LINGO2: variants seen among roughly 807,000 people sequenced by gnomAD.
LINGO2 encodes leucine rich repeat and Ig domain containing 2, also known as leucine-rich repeat and immunoglobulin-like domain-containing nogo receptor-interacting protein 2.
In LINGO2, 14 loss-of-function variants were observed where a neutral mutation model predicts 30.6. That is an observed-to-expected ratio of 0.46 (90% CI 0.30 to 0.72). The LOEUF is 0.72. Ranked by LOEUF, LINGO2 falls within the 30% of genes least tolerant of loss-of-function variation. The pLI is 0.07. For missense variants in LINGO2, 729 were observed against 751.7 expected (o/e 0.97, Z 0.35); for synonymous variants, 317 against 288.5 (o/e 1.10, Z -1.00).
the LINGO2 span, among the ~76,000 whole-genome samples, chr9:28,677,441 T>C: frequency 6.6e-6 from 1 of 152,158 alleles, no homozygotes; most frequent in South Asian, 2.1e-4. Flanking sequence ...TGGTAGAGCA[T>C]CTAAGACAAA....
intron 4 of LINGO2, among the ~76,000 whole-genome samples, chr9:28,105,722 C>T (rs1331371017): frequency 6.7e-6 from 1 of 148,628 alleles, no homozygotes; most frequent in Non-Finnish European, 1.5e-5. Flanking sequence ...CTGTCTCACT[C>T]TCTCTCTCTC....
chr9:28,924,068 T>C, the LINGO2 span, among the ~76,000 whole-genome samples: 2 of 152,220 alleles, frequency 1.3e-5, no homozygotes, highest in Admixed American at 1.3e-4. Context: ...CTCAAGCCTC[T>C]ACAAAGAAGT....
At chr9:28,484,386 T>G (rs1826089922) in intron 1 of LINGO2, among the ~76,000 whole-genome samples, 1 of 152,000 alleles carries the variant, frequency 6.6e-6, no homozygotes. Flanking sequence ...CCGTCCAAGT[T>G]TTGCCCTCTA....
chr9:29,042,330 T>C, the LINGO2 span, among the ~76,000 whole-genome samples: 2 of 152,022 alleles, frequency 1.3e-5, no homozygotes, highest in African/African-American at 4.8e-5. Context: ...AACCCCGAAA[T>C]TGCACTCTTG....
the LINGO2 span, among the ~76,000 whole-genome samples, chr9:29,108,431 A>G: frequency 1.3e-5 from 2 of 152,152 alleles, no homozygotes; most frequent in Non-Finnish European, 2.9e-5. Context: ...CTGAGCCTAA[A>G]GGAAATACAG....
In LINGO2 at chr9:28,221,378, TAATG is replaced by T. The variant is rs560118716; in HGVS notation, c.-87+73826_-87+73829del. ...CACCACAAAAATGATAATTGTGAGA[TAATG>T]AATGTTAATTAGCTAAATTTAATTA... is the stretch of plus-strand genomic sequence containing the variant. On this transcript the variant is annotated intron_variant, in intron 4 of 5. Coordinates refer to ENST00000379992, the Ensembl canonical transcript of LINGO2. Among the ~76,000 whole-genome samples the T allele has an allele frequency of 4.1e-3, 614 of 149,342 alleles. 3 individuals carry two copies. The highest frequency in any genetic ancestry group is 6.9e-3 in the Non-Finnish European group (469 of 67,674).
intron 5 of LINGO2, among the ~76,000 whole-genome samples, chr9:27,969,029 A>G (rs533482686): frequency 5.3e-5 from 8 of 151,988 alleles, no homozygotes; most frequent in Non-Finnish European, 7.4e-5. Context: ...ATTTACATTA[A>G]TATAATATAC....
At chr9:28,457,600 T>TA (rs905758344) in intron 2 of LINGO2, among the ~76,000 whole-genome samples, 15 of 150,816 alleles carry the variant, frequency 9.9e-5, no homozygotes, top group Admixed American at 2.7e-4. Context: ...AAACAAAAAT[T>TA]AAAAAAAAAC....
chr9:28,728,536 G>A, the LINGO2 span, among the ~76,000 whole-genome samples: 1 of 151,898 alleles, frequency 6.6e-6, no homozygotes, highest in Non-Finnish European at 1.5e-5. Context: ...AAAAATAAAA[G>A]CATATCCATA....
intron 4 of LINGO2, among the ~76,000 whole-genome samples, chr9:28,062,559 TA>T (rs1405100604): frequency 8.9e-5 from 13 of 146,476 alleles, no homozygotes; most frequent in Admixed American, 2.8e-4. Context: ...TGTATATACA[TA>T]TATAGTATAT....
intron 4 of LINGO2, among the ~76,000 whole-genome samples, chr9:28,070,470 T>G (rs1281684601): frequency 6.6e-6 from 1 of 152,214 alleles, no homozygotes; most frequent in African/African-American, 2.4e-5. Flanking sequence ...TTTATTTGAT[T>G]GTCCTACAGT....
intron 1 of LINGO2, among the ~76,000 whole-genome samples, chr9:28,667,675 C>T (rs1329907608): frequency 2.6e-5 from 4 of 152,188 alleles, no homozygotes; most frequent in South Asian, 2.1e-4. Flanking sequence ...ACCCAGTTGG[C>T]GGAGGTTGCA....
the LINGO2 span, among the ~76,000 whole-genome samples, chr9:28,695,992 C>T: frequency 6.6e-6 from 1 of 151,812 alleles, no homozygotes; most frequent in Non-Finnish European, 1.5e-5. Flanking sequence ...CTAAAAACAA[C>T]TTGATAAAAA....
intron 1 of LINGO2, among the ~76,000 whole-genome samples, chr9:28,476,328 T>A (rs1825725267): frequency 1.3e-5 from 2 of 152,200 alleles, no homozygotes; most frequent in Admixed American, 1.3e-4. Flanking sequence ...CAGGCTGGAG[T>A]GCAGTGACAC....
chr9:28,709,640 T>C, the LINGO2 span, among the ~76,000 whole-genome samples: 1 of 151,980 alleles, frequency 6.6e-6, no homozygotes, highest in Non-Finnish European at 1.5e-5. Context: ...CAGAAATGCT[T>C]GCACAAAGAA....
At chr9:28,942,489 C>T in the LINGO2 span, among the ~76,000 whole-genome samples, 1 of 152,244 alleles carries the variant, frequency 6.6e-6, no homozygotes, top group East Asian at 1.9e-4. Context: ...ATCAGAAGTA[C>T]CTGGGTGTGA....
At chr9:28,550,996 G>A (rs933395541) in intron 1 of LINGO2, among the ~76,000 whole-genome samples, 1 of 151,890 alleles carries the variant, frequency 6.6e-6, no homozygotes, top group South Asian at 2.1e-4. Context: ...GAATACAAAT[G>A]AGAATACAAA....
At chr9:28,468,509 A>G (rs1825398637) in intron 2 of LINGO2, among the ~76,000 whole-genome samples, 3 of 152,168 alleles carry the variant, frequency 2.0e-5, no homozygotes, top group Admixed American at 2.0e-4. Context: ...GATTATTGGG[A>G]AATAATACAG....
chr9:28,634,861 G>A (rs1390308239), intron 1 of LINGO2, among the ~76,000 whole-genome samples: 1 of 152,106 alleles, frequency 6.6e-6, no homozygotes, highest in Admixed American at 6.5e-5. Flanking sequence ...CAGAGTCTGT[G>A]AATAGAAAAA....
Sources: allele counts gnomAD v4.1 joint callset (sites outside exome capture counted in the v4.1 genomes callset), GRCh38; gene constraint gnomAD v4.1.1; transcripts MANE v1.5; gene names NCBI Gene and HGNC (gene_info 2026-07-23, HGNC 2026-07-21).